Variants in PIEZO2 observed in about 807,000 individuals in gnomAD.
PIEZO2 encodes the protein piezo type mechanosensitive ion channel component 2.
Under a neutral mutation model 337.3 loss-of-function variants are expected in PIEZO2, and 172 were observed. The ratio of observed to expected loss-of-function variants is 0.51; its 90% CI spans 0.45 to 0.58. The LOEUF (loss-of-function observed/expected upper bound fraction) is 0.58. PIEZO2 is among the 20% of genes least tolerant of loss of function. PIEZO2 has a pLI of 0.00. For synonymous variants in PIEZO2, 1,251 were observed against 1,228.5 expected (o/e 1.02, Z -0.38); for missense variants, 3,028 against 3,391.3 (o/e 0.89, Z 2.66).
chr18:10,687,858 C>T (rs963620148), intron 49 of PIEZO2, among the ~76,000 whole-genome samples: 1 of 152,208 alleles, frequency 6.6e-6, no homozygotes, highest in African/African-American at 2.4e-5. Context: ...GAATAACACC[C>T]AGTTGGGCCA....
At chr18:10,731,803 T>C (rs1466759574) in intron 35 of PIEZO2, among the ~76,000 whole-genome samples, 1 of 152,228 alleles carries the variant, frequency 6.6e-6, no homozygotes, top group Non-Finnish European at 1.5e-5. Flanking sequence ...CCACAATTTG[T>C]GATACTTATT....
chr18:10,907,047 T>G (rs2030003447), intron 4 of PIEZO2, among the ~76,000 whole-genome samples: 1 of 152,192 alleles, frequency 6.6e-6, no homozygotes, highest in Admixed American at 6.5e-5. Flanking sequence ...CAGAACAGGT[T>G]GCTACACTTC....
chr18:10,912,600 G>T (rs1819773722), intron 3 of PIEZO2, among the ~76,000 whole-genome samples: 1 of 152,152 alleles, frequency 6.6e-6, no homozygotes. Context: ...AATTAAACTC[G>T]TACGGTGCTT....
rs1283311228 is a variant in PIEZO2, at chr18:11,105,866, A to G, written c.65-39644T>C. 6.6e-6 allele frequency among the ~76,000 whole-genome samples: 1 copy of G among 152,144 alleles called. No homozygotes were observed. The highest frequency in any genetic ancestry group is 1.5e-5 in the Non-Finnish European group (1 of 68,028). ...AAGATCAGTGGCTTAATGGGCCACA[A>G]TTACTCCCAAACAATCTAGTCCTTC... On this transcript the variant is annotated intron_variant, in intron 1 of 55. Coordinates refer to ENST00000674853, the MANE Select transcript of PIEZO2 (RefSeq NM_001378183.1). This position sits in a 1 kb window ranked among gnomAD's most constrained non-coding sequence, Gnocchi z 4.3.
At chr18:10,961,951 C>T (rs560011366) in intron 3 of PIEZO2, among the ~76,000 whole-genome samples, 4 of 152,182 alleles carry the variant, frequency 2.6e-5, no homozygotes, top group Non-Finnish European at 5.9e-5. Context: ...TACGCATCAG[C>T]ATGGAAGAGT....
chr18:10,719,841 A>G (rs1409862424), intron 36 of PIEZO2, among the ~76,000 whole-genome samples: 2 of 152,110 alleles, frequency 1.3e-5, no homozygotes, highest in African/African-American at 4.8e-5. Context: ...ACCTTTTTAC[A>G]AAAAGGATAT....
chr18:10,870,598 G>A lies in PIEZO2; in HGVS notation c.492+655C>T, dbSNP rs370232628. ...CTGGTCAGGGGGCAGCGTGAGAGCC[G>A]TCTGACAGCTCTGATACCCAAGGAC... is the stretch of plus-strand genomic sequence containing the variant. On this transcript the variant is annotated intron_variant, in intron 5 of 55. Coordinates refer to ENST00000674853, the MANE Select transcript of PIEZO2 (RefSeq NM_001378183.1). This position sits in a 1 kb window ranked among gnomAD's most constrained non-coding sequence, Gnocchi z 5.3. 3.3e-5 allele frequency among the ~76,000 whole-genome samples: 5 copies of A among 151,304 alleles called. No individual in the cohort carries two copies. Among genetic ancestry groups the A allele is most frequent in the East Asian group, 1.9e-4 (1 of 5,190 alleles).
intron 1 of PIEZO2, among the ~76,000 whole-genome samples, chr18:11,107,706 A>G (rs1157871590): frequency 1.3e-5 from 2 of 152,294 alleles, no homozygotes; most frequent in East Asian, 1.9e-4. Flanking sequence ...GCCACTACGA[A>G]TCCCTGTAAT....
At chr18:11,043,803 G>A (rs2037205191) in intron 2 of PIEZO2, among the ~76,000 whole-genome samples, 1 of 151,862 alleles carries the variant, frequency 6.6e-6, no homozygotes, top group African/African-American at 2.4e-5. Context: ...CTGAGTAGCT[G>A]AGACCATAGG....
At chr18:10,955,214 A>G (rs2145338461) in intron 3 of PIEZO2, among the ~76,000 whole-genome samples, 1 of 152,338 alleles carries the variant, frequency 6.6e-6, no homozygotes, top group African/African-American at 2.4e-5. Flanking sequence ...CTCAAGCCAA[A>G]TTACATTCAT....
intron 9 of PIEZO2, among the ~76,000 whole-genome samples, chr18:10,802,736 G>A (rs2039867985): frequency 6.6e-6 from 1 of 152,078 alleles, no homozygotes. Flanking sequence ...TTGGAAGACC[G>A]AGGCAGGCGG....
intron 3 of PIEZO2, among the ~76,000 whole-genome samples, chr18:10,970,666 A>T (rs991479710): frequency 0.054 from 6,979 of 128,412 alleles, 445 homozygotes; most frequent in African/African-American, 0.2. Flanking sequence ...TGTTTCACAC[A>T]CACACACACA....
rs539651741 is a variant in PIEZO2 at position 10,862,794 on chromosome 18, C to T, written c.493-5583G>A. 2.0e-4 allele frequency among the ~76,000 whole-genome samples: 30 copies of T among 152,278 alleles called. No homozygotes were observed. The highest frequency in any genetic ancestry group is 6.5e-4 in the African/African-American group (27 of 41,544). ...GCCCCTCCAGAATTCAGGCCCTGGC[C>T]GACATTGGCAACCACTGATCAATGA... On this transcript the variant is annotated intron_variant, in intron 5 of 55. Coordinates refer to ENST00000674853, the MANE Select transcript of PIEZO2 (RefSeq NM_001378183.1). This position sits in a 1 kb window ranked among gnomAD's most constrained non-coding sequence, Gnocchi z 4.4.
At chr18:10,857,317 C>T in intron 5 of PIEZO2, 106 bp from the exon 6 acceptor site, 1 of 969,426 alleles carries the variant, frequency 1.0e-6, no homozygotes, top group Non-Finnish European at 1.5e-6. Context: ...GTGAATTTCA[C>T]AGATCAGGAA....
intron 1 of PIEZO2, among the ~76,000 whole-genome samples, chr18:11,114,750 C>A (rs2039838895): frequency 6.6e-6 from 1 of 151,942 alleles, no homozygotes; most frequent in South Asian, 2.1e-4. Context: ...CTGCAGTTAA[C>A]AGGACGGGAT....
chr18:10,926,687 G>A (rs2031759767), intron 3 of PIEZO2, among the ~76,000 whole-genome samples: 1 of 152,144 alleles, frequency 6.6e-6, no homozygotes, highest in African/African-American at 2.4e-5. Context: ...TATCATGTCC[G>A]GGCCATTTTC....
chr18:10,784,644 T>G lies in PIEZO2; in HGVS notation c.2492+140A>C. 1 of 786,918 alleles carries G rather than the reference T, an allele frequency of 1.3e-6. No homozygotes were observed. The highest frequency in any genetic ancestry group is 1.7e-5 in the African/African-American group (1 of 57,696). 48.7% of individuals were successfully genotyped at this position (786,918 alleles called of 1,614,324 possible). ...GAATCTTCCACATGTTTTCCTCTTTTTCTCACAAGCTGATACTCATGGAAA... is the reference window on the plus strand; with the variant it reads ...GAATCTTCCACATGTTTTCCTCTTTGTCTCACAAGCTGATACTCATGGAAA... On this transcript the variant is annotated intron_variant, in intron 17 of 55. Transcript: ENST00000674853. The surrounding 1 kb of genome is among the most constrained non-coding windows in gnomAD (Gnocchi z 4.5).
rs16975364 is a variant in PIEZO2 at position 10,775,002 on chromosome 18, C to T, written c.2535-964G>A. On this transcript the variant is annotated intron_variant, in intron 18 of 55. Coordinates refer to ENST00000674853, the MANE Select transcript of PIEZO2 (RefSeq NM_001378183.1). The surrounding 1 kb of genome is among the most constrained non-coding windows in gnomAD (Gnocchi z 4.3). ...ATTTGATATTTGTAAACATGCCTAT[C>T]ATTTTGGGTAACTGTCGTAAGGAAT... Among the ~76,000 whole-genome samples the T allele has an allele frequency of 0.21, 31,426 of 152,126 alleles. 3,522 individuals are homozygous for T. The highest frequency in any genetic ancestry group is 0.34 in the East Asian group (1,744 of 5,180).
At chr18:10,802,085 C>CAAAAAAA (rs58924448) in intron 9 of PIEZO2, among the ~76,000 whole-genome samples, 8 of 96,626 alleles carry the variant, frequency 8.3e-5, no homozygotes, top group African/African-American at 1.6e-4. Context: ...GACTCCGTCT[C>CAAAAAAA]AAAAAAAAAA....
Sources: allele counts gnomAD v4.1 joint callset (sites outside exome capture counted in the v4.1 genomes callset), GRCh38; gene constraint gnomAD v4.1.1; non-coding constraint Gnocchi (gnomAD v3.1); transcripts MANE v1.5; gene names NCBI Gene and HGNC (gene_info 2026-07-23, HGNC 2026-07-21).